The following TNXB variants were observed in gnomAD, a reference collection of about 807,000 sequenced individuals.
TNXB encodes tenascin-X.
Under a neutral mutation model 340.5 loss-of-function variants are expected in TNXB, and 183 were observed. The ratio of observed to expected loss-of-function variants is 0.54; its 90% CI spans 0.48 to 0.61. TNXB has a LOEUF of 0.61. Among genes scored for constraint, TNXB ranks in the 20% least tolerant of loss-of-function variants. The pLI, the probability that TNXB is intolerant of heterozygous loss-of-function variation, is 0.00. For synonymous variants in TNXB, 2,121 were observed against 2,314.5 expected (o/e 0.92, Z 2.40); for missense variants, 4,613 against 5,446.4 (o/e 0.85, Z 4.82).
Position 32,082,810 on chromosome 6 carries a change from C to T in TNXB, c.3446-484G>A, listed in dbSNP as rs1274195932. On this transcript the variant is annotated intron_variant, in intron 8 of 43. Coordinates refer to ENST00000644971, the MANE Select transcript of TNXB (RefSeq NM_001365276.2). The surrounding 1 kb of genome is among the most constrained non-coding windows in gnomAD (Gnocchi z 5.0). Reference sequence around the variant, plus strand: ...ATCTATGCTGCAGGCCTCTCCTCCTCTTTGGGAACTTTGACCCATGGATGG... The same window carrying T: ...ATCTATGCTGCAGGCCTCTCCTCCTTTTTGGGAACTTTGACCCATGGATGG... Among the ~76,000 whole-genome samples the T allele has an allele frequency of 1.3e-5, 2 of 152,164 alleles. No homozygotes were observed. Among genetic ancestry groups the T allele is most frequent in the African/African-American group, 2.4e-5 (1 of 41,422 alleles).
Position 32,097,285 on chromosome 6 carries a change from C to T in TNXB, c.568G>A (p.Asp190Asn), listed in dbSNP as rs570041954. 6.2e-7 allele frequency: 1 copy of T among 1,613,428 alleles called. No homozygotes were observed. The highest frequency in any genetic ancestry group is 1.3e-5 in the African/African-American group (1 of 75,056). ...ACACAGCGACCCTGATCATTGCAGT[C>T]ATCTGGGCAGGACCCCGAGGCTGAG... ...PPSASGSCPD[D>N]CNDQGRCVRG... is the part of the protein sequence containing the mutation. Residue 190 changes from aspartate (D) to asparagine (N), a missense_variant, in exon 3 of 44, where the codon GAC becomes AAC. By Grantham distance (23) the Asp-to-Asn change is conservative (BLOSUM62 1). This residue lies in a region of TNXB where 4,327 missense variants were observed against 4,859.4 expected (regional missense o/e 0.89). Coordinates refer to ENST00000644971, the MANE Select transcript of TNXB (RefSeq NM_001365276.2). This position sits in a 1 kb window ranked among gnomAD's most constrained non-coding sequence, Gnocchi z 5.9.
At position 32,084,651 on chromosome 6, in the gene TNXB, C is replaced by CGG; in HGVS notation, c.3206_3207insCC (p.Val1070ArgfsTer2). The CGG allele has an allele frequency of 6.3e-7, 1 of 1,597,594 alleles. No homozygotes were observed. The highest frequency in any genetic ancestry group is 8.5e-7 in the Non-Finnish European group (1 of 1,171,644). ...AGGAGTCGGAGGTCCTGTCTGTCAC[C>CGG]GTCAGCTCACCCAGGCGTGGTGGGC... On this transcript the variant is annotated frameshift_variant, in exon 8 of 44. Transcript: ENST00000644971. LOFTEE classifies it high-confidence loss of function. The surrounding 1 kb of genome is among the most constrained non-coding windows in gnomAD (Gnocchi z 5.5).
Position 32,049,901 on chromosome 6 carries a change from T to G in TNXB, c.9439+97A>C. ...CCAGCCACAAGCAGTTCTGTGGTGC[T>G]GACCAGACCCCTGTCCCATTCCCCA... On this transcript the variant is annotated intron_variant, in intron 27 of 43. Transcript: ENST00000644971. This position sits in a 1 kb window ranked among gnomAD's most constrained non-coding sequence, Gnocchi z 4.5. 2 of 1,567,746 alleles carry G rather than the reference T, an allele frequency of 1.3e-6. No individual in the cohort carries two copies. Among genetic ancestry groups the G allele is most frequent in the Non-Finnish European group, 1.7e-6 (2 of 1,149,504 alleles).
rs1002508717 is a variant in TNXB at position 32,108,435 on chromosome 6, G to A, written c.-9+746C>T. On this transcript the variant is annotated intron_variant, in intron 1 of 43. Coordinates refer to ENST00000644971, the MANE Select transcript of TNXB (RefSeq NM_001365276.2). The surrounding 1 kb of genome is among the most constrained non-coding windows in gnomAD (Gnocchi z 4.8). ...GGGGAGCCTGGAAGGGGCACAGAGT[G>A]AAGACGGAGCCCCTGTGCCCCCAGA... Among the ~76,000 whole-genome samples the A allele has an allele frequency of 5.9e-5, 9 of 152,100 alleles. No homozygotes were observed. The highest frequency in any genetic ancestry group is 2.2e-4 in the African/African-American group (9 of 41,404).
At chr6:32,055,583 A>C (rs1777573293) in intron 24 of TNXB, among the ~76,000 whole-genome samples, 1 of 152,194 alleles carries the variant, frequency 6.6e-6, no homozygotes, top group Non-Finnish European at 1.5e-5. Flanking sequence ...AACAGATTTC[A>C]AAAGAGGGTC....
Position 32,079,297 on chromosome 6 carries a change from C to A in TNXB, c.4111G>T (p.Glu1371Ter), listed in dbSNP as rs760334908. ...GTCAGCTCCCCCAGGAGCGGCTCCT[C>A]GGGGGACTCCGGGGCCTCCGTGCCC... Reference protein sequence around the residue: ...ELGTEAPESPEEPLLGELTVT... With the variant: ...ELGTEAPESP The change falls in exon 11 of 44, where the codon GAG (glutamate) becomes TAG (stop). Residue 1371 changes from glutamate to a stop codon, truncating the protein, a stop_gained. Transcript: ENST00000644971. LOFTEE classifies it high-confidence loss of function. This position sits in a 1 kb window ranked among gnomAD's most constrained non-coding sequence, Gnocchi z 7.1. The A allele has an allele frequency of 1.2e-6, 2 of 1,612,724 alleles. No homozygotes were observed. The highest frequency in any genetic ancestry group is 2.7e-5 in the African/African-American group (2 of 74,930).
In TNXB at chr6:32,056,078, G is replaced by C; in HGVS notation, c.8240C>G (p.Ser2747Cys). 1 of 1,612,818 alleles carries C rather than the reference G, an allele frequency of 6.2e-7. No homozygotes were observed. The highest frequency in any genetic ancestry group is 1.1e-5 in the South Asian group (1 of 91,080). The change falls in exon 24 of 44, where the codon TCC becomes TGC. Residue 2747 changes from serine (S) to cysteine (C), a missense_variant. Ser to Cys is a moderately radical substitution (Grantham distance 112). Coordinates refer to ENST00000644971, the MANE Select transcript of TNXB (RefSeq NM_001365276.2). ...GGAGAGGCTCAGCGAGTCAGGGGAG[G>C]ATCCTGTCACTGTCAGCTCCCCCAG... ...PLLGELTVTG[S>C]SPDSLSLSWT... is the part of the protein sequence containing the mutation.
Position 32,069,203 on chromosome 6 carries a change from T to C in TNXB, c.5588-67A>G. 6.7e-7 allele frequency: 1 copy of C among 1,482,280 alleles called. No individual in the cohort carries two copies. Among genetic ancestry groups the C allele is most frequent in the Non-Finnish European group, 9.1e-7 (1 of 1,104,414 alleles). The allele number at this position is 1,482,280 out of a possible 1,614,324, so 91.8% of individuals were successfully genotyped here. Reference sequence around the variant, plus strand: ...GCTGCACCCAGACTCTCAGGAGGAGTGAGGGAGGAGAGGGAGTGAGGGCAA... The same window carrying C: ...GCTGCACCCAGACTCTCAGGAGGAGCGAGGGAGGAGAGGGAGTGAGGGCAA... On this transcript the variant is annotated intron_variant, in intron 15 of 43. Transcript: ENST00000644971. The surrounding 1 kb of genome is among the most constrained non-coding windows in gnomAD (Gnocchi z 6.2).
At chr6:32,071,676 C>G (rs186561642) in intron 13 of TNXB, among the ~76,000 whole-genome samples, 51 of 151,868 alleles carry the variant, frequency 3.4e-4, no homozygotes, top group African/African-American at 9.2e-4. Flanking sequence ...GCCTCCACCT[C>G]CTGGGTTCAA....
rs780484895 is a variant in TNXB, at chr6:32,047,643, G to C, written c.10324+91C>G. On this transcript the variant is annotated intron_variant, in intron 30 of 43. Coordinates refer to ENST00000644971, the MANE Select transcript of TNXB (RefSeq NM_001365276.2). This position sits in a 1 kb window ranked among gnomAD's most constrained non-coding sequence, Gnocchi z 6.2. ...TAAGATGGTTGTGTCAGGGCTGATAGAGGGAATCTCACGGGAAGGCTGCAG... is the reference window on the plus strand; with the variant it reads ...TAAGATGGTTGTGTCAGGGCTGATACAGGGAATCTCACGGGAAGGCTGCAG... 9.0e-5 allele frequency: 129 copies of C among 1,426,716 alleles called. No homozygotes were observed. The highest frequency in any genetic ancestry group is 1.1e-4 in the Non-Finnish European group (117 of 1,073,514). 88.4% of individuals were successfully genotyped at this position (1,426,716 alleles called of 1,614,324 possible). A position where few individuals can be genotyped will look rare whatever the true frequency, so the allele number is the denominator to read the frequency against.
intron 6 of TNXB, chr6:32,088,008 AG>A: frequency 3.4e-6 from 1 of 291,636 alleles, no homozygotes; most frequent in Non-Finnish European, 6.7e-6. Flanking sequence ...GGGGCAAAAA[AG>A]GGGAGAACAG....
chr6:32,042,244 C>A, intron 41 of TNXB, 22 bp downstream of exon 41: 1 of 1,036,734 alleles, frequency 9.6e-7, no homozygotes, highest in African/African-American at 1.9e-5. Context: ...CCGTAGTTCC[C>A]CAGTCCCTGT....
At position 32,080,361 on chromosome 6, in the gene TNXB, C is replaced by T. The variant is rs1427938435; in HGVS notation, c.4043-996G>A. On this transcript the variant is annotated intron_variant, in intron 10 of 43. Coordinates refer to ENST00000644971, the MANE Select transcript of TNXB (RefSeq NM_001365276.2). This position sits in a 1 kb window ranked among gnomAD's most constrained non-coding sequence, Gnocchi z 4.3. ...GAGTAGCTGGGACTACAGGCACCTG[C>T]CACCATGCCTGGCTAATTTTTTGTA... 6.6e-6 allele frequency among the ~76,000 whole-genome samples: 1 copy of T among 152,140 alleles called. No individual in the cohort carries two copies. The highest frequency in any genetic ancestry group is 1.5e-5 in the Non-Finnish European group (1 of 68,034).
Position 32,044,997 on chromosome 6 carries a change from T to C in TNXB, c.10927+9A>G. The C allele has an allele frequency of 6.3e-7, 1 of 1,575,910 alleles. No homozygotes were observed. Among genetic ancestry groups the C allele is most frequent in the Non-Finnish European group, 8.6e-7 (1 of 1,156,704 alleles). On this transcript the variant is annotated intron_variant, in intron 32 of 43. Coordinates refer to ENST00000644971, the MANE Select transcript of TNXB (RefSeq NM_001365276.2). ...TCCTAGGCTAGAGGCCGGAGACGCC[T>C]GGTGGTACCTGTGGTGCCCTCAGCT...
At chr6:32,053,055 A>T in intron 25 of TNXB, 62 bp from the exon 26 acceptor site, 1 of 1,542,634 alleles carries the variant, frequency 6.5e-7, no homozygotes. Flanking sequence ...GGGTCTTGTG[A>T]GGAAGGAGAG....
At position 32,045,881 on chromosome 6, in the gene TNXB, C is replaced by T. The variant is rs1010955627; in HGVS notation, c.10606+294G>A. ...TGGACAAGGCCACCCTTCGGGGAGGCGACAGCAGCCCCAGCGAGTAATGAG... is the reference window on the plus strand; with the variant it reads ...TGGACAAGGCCACCCTTCGGGGAGGTGACAGCAGCCCCAGCGAGTAATGAG... On this transcript the variant is annotated intron_variant, in intron 31 of 43. Coordinates refer to ENST00000644971, the MANE Select transcript of TNXB (RefSeq NM_001365276.2). 1.0e-5 allele frequency: 12 copies of T among 1,178,924 alleles called. No homozygotes were observed. The African/African-American group carries it at 1.2e-4, about 12-fold the overall frequency. 73.0% of individuals were successfully genotyped at this position (1,178,924 alleles called of 1,614,324 possible). A position where few individuals can be genotyped will look rare whatever the true frequency, so the allele number is the denominator to read the frequency against.
intron 4 of TNXB, among the ~76,000 whole-genome samples, chr6:32,093,901 G>A (rs925413605): frequency 3.3e-5 from 5 of 151,832 alleles, no homozygotes; most frequent in African/African-American, 1.2e-4. Flanking sequence ...ACCAGCCTGG[G>A]CATGCAACAT....
rs1256594476 is a variant in TNXB, at chr6:32,088,909, T to C, written c.2655A>G (p.Glu885=). ...VSAGNQRVRL[E]VPPEADGTLL... is the part of the protein sequence containing the mutation. ...GCGTCCCGTCTGCTTCAGGGGGCAC[T>C]TCCAGCCTCACCCTCTGGTTGCCGG... Residue 885 remains glutamate, a synonymous_variant, in exon 6 of 44, where the codon GAA becomes GAG. Coordinates refer to ENST00000644971, the MANE Select transcript of TNXB (RefSeq NM_001365276.2). 1 of 1,597,966 alleles carries C rather than the reference T, an allele frequency of 6.3e-7. No individual in the cohort carries two copies. Among genetic ancestry groups the C allele is most frequent in the Admixed American group, 1.7e-5 (1 of 57,144 alleles).
chr6:32,051,130 G>A lies in TNXB; in HGVS notation c.9116-809C>T, dbSNP rs1305084440. The stretch of plus-strand genomic sequence containing the variant: ...TGCACCACCTGTGCTGATCTGACAC[G>A]CTTCACCTTCTCTCTAAAGCTGTCA... On this transcript the variant is annotated intron_variant, in intron 26 of 43. Coordinates refer to ENST00000644971, the MANE Select transcript of TNXB (RefSeq NM_001365276.2). This position sits in a 1 kb window ranked among gnomAD's most constrained non-coding sequence, Gnocchi z 4.7. 2.6e-5 allele frequency among the ~76,000 whole-genome samples: 4 copies of A among 152,174 alleles called. No homozygotes were observed. The highest frequency in any genetic ancestry group is 5.9e-5 in the Non-Finnish European group (4 of 68,028).
Sources: gnomAD v4.1 joint callset for allele counts (sites outside exome capture counted in the v4.1 genomes callset) on GRCh38, gnomAD v4.1.1 for gene constraint, gnomAD v4.1.1 regional missense constraint, Gnocchi (gnomAD v3.1) non-coding constraint, MANE v1.5 for transcripts, NCBI Gene and HGNC (gene_info 2026-07-23, HGNC 2026-07-21) for gene names.